The following XRN2 variants were observed in gnomAD, a reference collection of about 807,000 sequenced individuals.
The protein encoded by XRN2 is 5'-3' exoribonuclease 2.
Under a neutral mutation model 138.5 loss-of-function variants are expected in XRN2, and 44 were observed. The ratio of observed to expected loss-of-function variants is 0.32; its 90% confidence interval spans 0.25 to 0.41. The LOEUF (loss-of-function observed/expected upper bound fraction) is 0.41. Ranked by LOEUF, XRN2 falls within the 10% of genes least tolerant of loss-of-function variation. XRN2 has a pLI of 1.00. For missense variants in XRN2, 937 were observed against 1,169.3 expected (o/e 0.80, Z 2.90); for synonymous variants, 354 against 369.4 (o/e 0.96, Z 0.48).
chr20:21,357,873 C>T (rs1247120427), intron 24 of XRN2, 81 bp downstream of exon 24: 1 of 1,227,526 alleles, frequency 8.1e-7, no homozygotes, highest in Non-Finnish European at 1.2e-6. Flanking sequence ...CTTTGATTCA[C>T]AAGGAAATGG....
chr20:21,346,365 G>C, intron 16 of XRN2, 50 bp from the exon 17 acceptor site: 1 of 1,604,314 alleles, frequency 6.2e-7, no homozygotes, highest in Non-Finnish European at 8.5e-7. Flanking sequence ...TAGACAGCCT[G>C]TTACTGAAGG....
At chr20:21,366,610 T>C (rs918856657) in intron 26 of XRN2, among the ~76,000 whole-genome samples, 1 of 151,192 alleles carries the variant, frequency 6.6e-6, no homozygotes, top group African/African-American at 2.4e-5. Flanking sequence ...GTTTCACACA[T>C]ATATTTTTGT....
intron 27 of XRN2, among the ~76,000 whole-genome samples, chr20:21,377,264 C>CTTTTTTTTTTCTTTTTTTTTTTTT (rs1555788238): frequency 1.2e-5 from 1 of 82,782 alleles, no homozygotes; most frequent in African/African-American, 5.4e-5. Flanking sequence ...TCGGTTTTTT[C>CTTTTTTTTTTCTTTTTTTTTTTTT]TTTTTTTTTT....
intron 8 of XRN2, 114 bp from the exon 9 acceptor site, chr20:21,332,169 C>T: frequency 7.7e-7 from 1 of 1,299,128 alleles, no homozygotes; most frequent in Non-Finnish European, 1.0e-6. Flanking sequence ...GGCTTTGCTG[C>T]TCATTTGGGT....
At chr20:21,329,722 G>C (rs1351402020) in intron 4 of XRN2, among the ~76,000 whole-genome samples, 1 of 152,006 alleles carries the variant, frequency 6.6e-6, no homozygotes, top group Non-Finnish European at 1.5e-5. Flanking sequence ...GGAAAAAATA[G>C]GATTTTTATA....
chr20:21,353,667 T>C (rs2038540477), intron 20 of XRN2, among the ~76,000 whole-genome samples: 1 of 151,834 alleles, frequency 6.6e-6, no homozygotes, highest in South Asian at 2.1e-4. Context: ...TGGTGGCATG[T>C]GCCTGTAGTC....
chr20:21,377,963 C>T (rs1158214129), intron 27 of XRN2, among the ~76,000 whole-genome samples: 3 of 152,150 alleles, frequency 2.0e-5, no homozygotes, highest in Non-Finnish European at 4.4e-5. Flanking sequence ...CCTCGACAGA[C>T]CGGCTGATCT....
intron 27 of XRN2, among the ~76,000 whole-genome samples, chr20:21,375,272 ATTTG>A (rs1437855469): frequency 6.9e-6 from 1 of 145,084 alleles, no homozygotes; most frequent in African/African-American, 2.5e-5. Context: ...ATATATAGAT[ATTTG>A]TTCTTTTCCC....
Position 21,332,399 on chromosome 20 carries a change from G to A in XRN2, c.817G>A (p.Val273Ile). ...TCTTTGTAATCAGTTTGGACATGAG[G>A]TCAAAGATTGTGAAGGTTTGCCAAG... ...CGLCNQFGHE[V>I]KDCEGLPREK... The change falls in exon 9 of 30, where the codon GTC (valine) becomes ATC (isoleucine). Residue 273 changes from valine (V) to isoleucine (I), a missense_variant. Around this residue, in one of 6 missense-constraint regions of XRN2, gnomAD observed 471 missense variants for 581.2 expected, o/e 0.81. Coordinates refer to ENST00000377191, the MANE Select transcript of XRN2 (RefSeq NM_012255.5). 1 of 1,612,474 alleles carries A rather than the reference G, an allele frequency of 6.2e-7. No homozygotes were observed.
At chr20:21,355,817 C>G (rs2038569291) in intron 21 of XRN2, among the ~76,000 whole-genome samples, 1 of 152,090 alleles carries the variant, frequency 6.6e-6, no homozygotes, top group Non-Finnish European at 1.5e-5. Context: ...TCCATCACCT[C>G]ACATTTATCT....
At chr20:21,351,252 C>T (rs2122262618) in intron 20 of XRN2, among the ~76,000 whole-genome samples, 1 of 152,272 alleles carries the variant, frequency 6.6e-6, no homozygotes, top group East Asian at 1.9e-4. Context: ...TTCACATCCT[C>T]TCCAACATTT....
intron 1 of XRN2, among the ~76,000 whole-genome samples, chr20:21,316,110 C>T (rs576578773): frequency 1.3e-5 from 2 of 151,880 alleles, no homozygotes; most frequent in Non-Finnish European, 2.9e-5. Flanking sequence ...GAAAATTAGC[C>T]GGGTGTGGTG....
At position 21,311,048 on chromosome 20, in the gene XRN2, T is replaced by A. The variant is rs569255358; in HGVS notation, c.75+7575T>A. Among the ~76,000 whole-genome samples, 3 of 152,154 alleles carry A rather than the reference T, an allele frequency of 2.0e-5. 1 individual carries two copies. In the South Asian group the frequency reaches 6.2e-4, roughly 32 times the overall value. On this transcript the variant is annotated intron_variant, in intron 1 of 29. Transcript: ENST00000377191. ...TTACAGGCGTGAGCCACTGCGCCTG[T>A]CCGGGTCTGGCTTTTTTATACAGTT...
intron 27 of XRN2, among the ~76,000 whole-genome samples, chr20:21,380,668 A>G (rs1273391255): frequency 6.6e-6 from 1 of 152,240 alleles, no homozygotes; most frequent in Non-Finnish European, 1.5e-5. Flanking sequence ...AATTGACTAA[A>G]GATACCACCT....
intron 20 of XRN2, among the ~76,000 whole-genome samples, chr20:21,350,124 C>G (rs2038486975): frequency 1.3e-5 from 2 of 152,162 alleles, no homozygotes; most frequent in South Asian, 2.1e-4. Flanking sequence ...ACTAGTTTTT[C>G]ATTCCATTAA....
intron 28 of XRN2, among the ~76,000 whole-genome samples, chr20:21,384,303 G>A (rs934059263): frequency 1.3e-5 from 2 of 152,060 alleles, no homozygotes; most frequent in Non-Finnish European, 1.5e-5. Flanking sequence ...ACCTATGAGT[G>A]TTAAGCTCAA....
intron 14 of XRN2, among the ~76,000 whole-genome samples, chr20:21,340,487 A>G (rs1225586696): frequency 6.6e-6 from 1 of 152,208 alleles, no homozygotes; most frequent in Non-Finnish European, 1.5e-5. Context: ...AATGTATTAT[A>G]TGTACTTTAG....
intron 27 of XRN2, among the ~76,000 whole-genome samples, chr20:21,373,641 G>A (rs1297446686): frequency 6.6e-6 from 1 of 152,192 alleles, no homozygotes; most frequent in Non-Finnish European, 1.5e-5. Flanking sequence ...CCAACCCTTG[G>A]TGTTGTCAGT....
chr20:21,384,380 G>A (rs530958315), intron 28 of XRN2, among the ~76,000 whole-genome samples: 1 of 152,226 alleles, frequency 6.6e-6, no homozygotes, highest in South Asian at 2.1e-4. Flanking sequence ...ATTCAAATTG[G>A]TAGTAGTTCA....
Sources: gnomAD v4.1 joint callset for allele counts (sites outside exome capture counted in the v4.1 genomes callset) on GRCh38, gnomAD v4.1.1 for gene constraint, gnomAD v4.1.1 regional missense constraint, MANE v1.5 for transcripts, NCBI Gene and HGNC (gene_info 2026-07-23, HGNC 2026-07-21) for gene names.